The following RGL1 variants were observed in gnomAD, a reference collection of about 807,000 sequenced individuals.
RGL1 encodes the protein ral guanine nucleotide dissociation stimulator-like 1.
A neutral mutation model predicts 95.2 loss-of-function variants in RGL1; 24 were observed. The observed-to-expected ratio is 0.25, with a 90% confidence interval of 0.18 to 0.35. The LOEUF is 0.35. RGL1 is among the 10% of genes least tolerant of loss of function. The pLI is 1.00. For synonymous variants in RGL1, 329 were observed against 344.9 expected, an observed-to-expected ratio of 0.95 and a Z score of 0.51; for missense variants, 715 against 936.3, an observed-to-expected ratio of 0.76 and a Z score of 3.08.
At chr1:183,742,891 A>C (rs1267270843) in intron 2 of RGL1, among the ~76,000 whole-genome samples, 1 of 152,226 alleles carries the variant, frequency 6.6e-6, no homozygotes, top group Non-Finnish European at 1.5e-5. Flanking sequence ...AAGAGGTATA[A>C]AAGGAAGATT....
intron 1 of RGL1, among the ~76,000 whole-genome samples, chr1:183,730,475 AC>A (rs1188285847): frequency 6.6e-6 from 1 of 152,130 alleles, no homozygotes; most frequent in Non-Finnish European, 1.5e-5. Flanking sequence ...AGTGGCTCAG[AC>A]TAAAGCGTCA....
At chr1:183,729,694 T>G (rs1468894238) in intron 1 of RGL1, among the ~76,000 whole-genome samples, 2 of 152,198 alleles carry the variant, frequency 1.3e-5, no homozygotes, top group East Asian at 3.8e-4. Context: ...TTCACTTTAT[T>G]TAAAGTAACC....
chr1:183,771,257 A>G (rs559369993), intron 2 of RGL1, among the ~76,000 whole-genome samples: 1 of 151,968 alleles, frequency 6.6e-6, no homozygotes, highest in African/African-American at 2.4e-5. Flanking sequence ...TTTACATTTT[A>G]GTGTAGAGAG....
In RGL1 at chr1:183,648,534, TG is replaced by T. The variant is rs2101991986; in HGVS notation, c.-33+12035del. 1.9e-6 allele frequency: 3 copies of T among 1,614,222 alleles called. No homozygotes were observed. The South Asian group carries it at 3.3e-5, about 18-fold the overall frequency. On this transcript the variant is annotated intron_variant, in intron 1 of 18. Transcript: ENST00000304685. ...ATAATTCCCAGTGCAACTGCTAGCA[TG>T]GCCCTTTTGCACCAGGCTACCAGAA...
At chr1:183,830,976 T>A (rs1663220667) in intron 2 of RGL1, among the ~76,000 whole-genome samples, 1 of 152,204 alleles carries the variant, frequency 6.6e-6, no homozygotes. Flanking sequence ...TTACCACAAA[T>A]ATTTACTGAG....
chr1:183,822,407 A>G (rs1662551466), intron 2 of RGL1, among the ~76,000 whole-genome samples: 1 of 152,080 alleles, frequency 6.6e-6, no homozygotes, highest in African/African-American at 2.4e-5. Flanking sequence ...GAAGGAATCC[A>G]AAAGTACAAT....
rs1661207621 is a variant in RGL1 at position 183,805,241 on chromosome 1, T to C, written c.-57T>C. 6 of 1,601,722 alleles carry C rather than the reference T, an allele frequency of 3.7e-6. No homozygotes were observed. In the South Asian group the frequency reaches 4.5e-5, roughly 12 times the overall value. ...GGGGCTGAGCCCAGCAGACATTGCGTTGGCCTCCGAGCAGGGCGCATCATG... is the reference window on the plus strand; with the variant it reads ...GGGGCTGAGCCCAGCAGACATTGCGCTGGCCTCCGAGCAGGGCGCATCATG... On this transcript the variant is annotated 5_prime_UTR_variant, in exon 1 of 18. Coordinates refer to ENST00000360851, the MANE Select transcript of RGL1 (RefSeq NM_001297671.3).
At chr1:183,793,400 C>T (rs769475190) in intron 2 of RGL1, among the ~76,000 whole-genome samples, 2 of 152,054 alleles carry the variant, frequency 1.3e-5, no homozygotes, top group Non-Finnish European at 2.9e-5. Flanking sequence ...GCACAGGCAA[C>T]AGAAACAAAA....
intron 2 of RGL1, among the ~76,000 whole-genome samples, chr1:183,816,116 A>G (rs1274066809): frequency 6.6e-6 from 1 of 152,246 alleles, no homozygotes; most frequent in African/African-American, 2.4e-5. Flanking sequence ...CTCCTTGCAT[A>G]ATGAAAGACT....
chr1:183,901,486 G>A (rs1257390407), intron 11 of RGL1, among the ~76,000 whole-genome samples: 1 of 152,074 alleles, frequency 6.6e-6, no homozygotes, highest in Non-Finnish European at 1.5e-5. Flanking sequence ...GCCAGAGTGA[G>A]ACTCGGTCTC....
At chr1:183,898,044 G>C (rs922887487) in intron 10 of RGL1, 147 bp downstream of exon 10, 3 of 645,254 alleles carry the variant, frequency 4.6e-6, no homozygotes, top group Non-Finnish European at 8.2e-6. Context: ...TTTGTTCTCA[G>C]CAGCCCTGGG....
chr1:183,833,962 C>CTGT (rs1663448591), intron 2 of RGL1, among the ~76,000 whole-genome samples: 1 of 55,598 alleles, frequency 1.8e-5, no homozygotes, highest in Non-Finnish European at 3.9e-5. Flanking sequence ...ATATCTCTCT[C>CTGT]TGTTTTTTTT....
At chr1:183,842,956 T>G (rs1164705341) in intron 2 of RGL1, among the ~76,000 whole-genome samples, 1 of 152,258 alleles carries the variant, frequency 6.6e-6, no homozygotes, top group Non-Finnish European at 1.5e-5. Context: ...GAGTATTTTT[T>G]GTGTTTCCCC....
intron 2 of RGL1, among the ~76,000 whole-genome samples, chr1:183,757,032 T>A (rs2102297353): frequency 6.6e-6 from 1 of 151,966 alleles, no homozygotes; most frequent in East Asian, 1.9e-4. Flanking sequence ...TTTTTTTTTT[T>A]TTGTATTGCT....
chr1:183,685,520 C>T (rs1653520773), intron 1 of RGL1, among the ~76,000 whole-genome samples: 1 of 152,116 alleles, frequency 6.6e-6, no homozygotes, highest in South Asian at 2.1e-4. Context: ...TTTAATGTTA[C>T]ATACAATTAC....
intron 1 of RGL1, among the ~76,000 whole-genome samples, chr1:183,714,645 T>C (rs1655501885): frequency 6.6e-6 from 1 of 152,208 alleles, no homozygotes; most frequent in Non-Finnish European, 1.5e-5. Flanking sequence ...AGTTAAGACT[T>C]ATGCCCTCTG....
intron 1 of RGL1, among the ~76,000 whole-genome samples, chr1:183,736,344 T>C (rs1656939487): frequency 1.3e-5 from 2 of 152,214 alleles, no homozygotes; most frequent in African/African-American, 4.8e-5. Flanking sequence ...GCTTTACTTT[T>C]GTAACTGTAA....
chr1:183,858,624 A>G (rs1665312050), intron 3 of RGL1, among the ~76,000 whole-genome samples: 1 of 152,212 alleles, frequency 6.6e-6, no homozygotes, highest in African/African-American at 2.4e-5. Context: ...TAAAAGGGGA[A>G]GATACTGGTG....
chr1:183,736,487 C>T (rs912643058), intron 1 of RGL1, among the ~76,000 whole-genome samples: 1 of 152,162 alleles, frequency 6.6e-6, no homozygotes, highest in Non-Finnish European at 1.5e-5. Flanking sequence ...GGTCTTGTGA[C>T]TAGAATTTCA....
Sources: gnomAD v4.1 joint callset for allele counts (sites outside exome capture counted in the v4.1 genomes callset) on GRCh38, gnomAD v4.1.1 for gene constraint, MANE v1.5 for transcripts, NCBI Gene and HGNC (gene_info 2026-07-23, HGNC 2026-07-21) for gene names.